Variants in TANK observed in about 807,000 individuals in gnomAD.
TANK encodes the protein TRAF family member associated NFKB activator, also known as TRAF family member-associated NF-kappa-B activator.
In TANK, 15 loss-of-function variants were observed where a neutral mutation model predicts 43.6. The observed-to-expected ratio is 0.34, with a 90% CI of 0.23 to 0.53. The LOEUF (loss-of-function observed/expected upper bound fraction) is 0.53, where lower values mean the gene tolerates loss of function less well. TANK is among the 20% of genes least tolerant of loss of function. TANK has a pLI of 0.94. For missense variants in TANK, 417 were observed against 498.6 expected (o/e 0.84, Z 1.56); for synonymous variants, 162 against 178.2 (o/e 0.91, Z 0.73).
chr2:161,212,796 T>C (rs553766219), intron 4 of TANK: 29 of 984,426 alleles, frequency 2.9e-5, no homozygotes, highest in Admixed American at 6.1e-5. Context: ...CTCTAAACCT[T>C]GATAGGTAAG....
intron 1 of TANK, among the ~76,000 whole-genome samples, chr2:161,150,488 C>G (rs189335170): frequency 8.6e-5 from 13 of 151,452 alleles, no homozygotes; most frequent in Non-Finnish European, 5.9e-5. Flanking sequence ...CTTCTCTAAT[C>G]TTTATTAGTT....
At chr2:161,162,418 T>G (rs1220033522) in intron 1 of TANK, 1 of 152,142 alleles carries the variant, frequency 6.6e-6, no homozygotes. Context: ...TGAGTGTTTA[T>G]GTATCTGGCC....
In TANK at chr2:161,179,621, A is replaced by T. The variant is rs758628130; in HGVS notation, c.-42A>T. The T allele has an allele frequency of 3.1e-6, 5 of 1,606,654 alleles. No homozygotes were observed. The African/African-American group carries it at 6.7e-5, about 22-fold the overall frequency. On this transcript the variant is annotated 5_prime_UTR_variant, in exon 2 of 8. Transcript: ENST00000392749. ...GATCTCATTATTTTGCAGACCTGTCATTTACTCCATCCTTTATAGTGATGC... is the reference window on the plus strand; with the variant it reads ...GATCTCATTATTTTGCAGACCTGTCTTTTACTCCATCCTTTATAGTGATGC...
At chr2:161,156,209 T>C (rs947740703), upstream of TANK, 3 of 985,442 alleles carry the variant, frequency 3.0e-6, no homozygotes, top group Non-Finnish European at 3.6e-6. Context: ...ATTTGTACTT[T>C]CCAGTCATAT....
chr2:161,138,527 A>G (rs951314992), intron 1 of TANK, among the ~76,000 whole-genome samples: 1 of 152,058 alleles, frequency 6.6e-6, no homozygotes, highest in African/African-American at 2.4e-5. Context: ...CTTTCTTCTC[A>G]CTCACCCACT....
chr2:161,231,392 C>G lies in TANK; in HGVS notation c.942C>G (p.Leu314=), dbSNP rs200005771. Residue 314 remains leucine (L), a synonymous_variant, in exon 7 of 8, where the codon CTC becomes CTG. Transcript: ENST00000392749. ...KTTDKTKPSN[L]VNTCIRTTLD... ...CTGACAAAACAAAGCCCTCAAATCT[C>G]GTAAACACTTGTATCAGGACAACTC... 1 of 1,614,146 alleles carries G rather than the reference C, an allele frequency of 6.2e-7. No homozygotes were observed. The highest frequency in any genetic ancestry group is 1.7e-5 in the Admixed American group (1 of 60,020).
chr2:161,150,528 C>T (rs1684042890), intron 1 of TANK, among the ~76,000 whole-genome samples: 1 of 150,470 alleles, frequency 6.6e-6, no homozygotes, highest in South Asian at 2.1e-4. Context: ...ATTTAGTTTG[C>T]TCTTCCTTTT....
At chr2:161,204,152 A>G (rs746068599) in intron 3 of TANK, among the ~76,000 whole-genome samples, 17 of 152,316 alleles carry the variant, frequency 1.1e-4, no homozygotes, top group South Asian at 4.1e-4. Flanking sequence ...TTTATGCAGA[A>G]AAAGGTGATT....
chr2:161,183,407 A>G (rs934195487), intron 2 of TANK, among the ~76,000 whole-genome samples: 10 of 152,302 alleles, frequency 6.6e-5, no homozygotes, highest in Admixed American at 2.6e-4. Context: ...TGTAGAAAGC[A>G]AAAAACTCAA....
At chr2:161,201,049 A>G (rs1686385294) in intron 2 of TANK, 1 of 957,232 alleles carries the variant, frequency 1.0e-6, no homozygotes, top group South Asian at 4.8e-5. Flanking sequence ...ACATTAGACA[A>G]TTAGACTAGA....
intron 2 of TANK, among the ~76,000 whole-genome samples, chr2:161,202,004 T>A (rs1034970778): frequency 6.6e-6 from 1 of 152,218 alleles, no homozygotes; most frequent in Non-Finnish European, 1.5e-5. Context: ...TATAAGTTAC[T>A]TAATCCATAT....
At chr2:161,153,345 T>C (rs1271541382) in intron 1 of TANK, among the ~76,000 whole-genome samples, 1 of 152,048 alleles carries the variant, frequency 6.6e-6, no homozygotes, top group Non-Finnish European at 1.5e-5. Context: ...CTTCTCAGTA[T>C]GAACTTTTAA....
At chr2:161,218,975 G>A (rs1374465890) in intron 4 of TANK, among the ~76,000 whole-genome samples, 3 of 151,888 alleles carry the variant, frequency 2.0e-5, no homozygotes, top group East Asian at 3.9e-4. Flanking sequence ...TGAAAGGAGT[G>A]TGAGAAATCT....
intron 2 of TANK, among the ~76,000 whole-genome samples, chr2:161,185,923 C>A (rs1161131616): frequency 1.3e-5 from 2 of 152,086 alleles, no homozygotes; most frequent in East Asian, 1.9e-4. Flanking sequence ...CCAGAGTGAT[C>A]CTTTTAAAAA....
intron 2 of TANK, among the ~76,000 whole-genome samples, chr2:161,182,196 C>A (rs926100803): frequency 6.6e-6 from 1 of 151,942 alleles, no homozygotes; most frequent in African/African-American, 2.4e-5. Flanking sequence ...ACAATTGTGA[C>A]CAAATGTGTG....
At chr2:161,227,821 T>C (rs140127449) in intron 6 of TANK, among the ~76,000 whole-genome samples, 24 of 152,360 alleles carry the variant, frequency 1.6e-4, no homozygotes, top group African/African-American at 5.3e-4. Context: ...TACTGTTTCC[T>C]AGACTTTCCT....
At chr2:161,185,687 G>A (rs1685626408) in intron 2 of TANK, among the ~76,000 whole-genome samples, 1 of 128,242 alleles carries the variant, frequency 7.8e-6, no homozygotes, top group South Asian at 2.5e-4. Flanking sequence ...ACAGGAAGGG[G>A]AATATCACAC....
chr2:161,228,662 T>G (rs1687755178), intron 6 of TANK, among the ~76,000 whole-genome samples: 2 of 152,238 alleles, frequency 1.3e-5, no homozygotes, highest in Non-Finnish European at 2.9e-5. Context: ...TCTACAGTGA[T>G]GTACAGTAAT....
intron 2 of TANK, among the ~76,000 whole-genome samples, chr2:161,189,517 A>G (rs1309293882): frequency 1.3e-5 from 2 of 152,190 alleles, no homozygotes; most frequent in Non-Finnish European, 2.9e-5. Flanking sequence ...TCTATTCACC[A>G]TAGTACTGAA....
Sources: gnomAD v4.1 joint callset for allele counts (sites outside exome capture counted in the v4.1 genomes callset) on GRCh38, gnomAD v4.1.1 for gene constraint, MANE v1.5 for transcripts, NCBI Gene and HGNC (gene_info 2026-07-23, HGNC 2026-07-21) for gene names.